ADRM1: variants seen among roughly 807,000 people sequenced by gnomAD.
ADRM1 encodes ADRM1 26S proteasome ubiquitin receptor, also known as proteasomal ubiquitin receptor ADRM1.
Under a neutral mutation model 40.1 loss-of-function variants are expected in ADRM1, and 2 were observed. The observed-to-expected ratio is 0.05, with a 90% CI of 0.02 to 0.16. The LOEUF is 0.16. Ranked by LOEUF, ADRM1 falls within the 10% of genes least tolerant of loss-of-function variation. ADRM1 has a pLI of 1.00. For missense variants in ADRM1, 467 were observed against 552.5 expected (o/e 0.85, Z 1.55); for synonymous variants, 287 against 240.4 (o/e 1.19, Z -1.79).
At position 62,303,573 on chromosome 20, in the gene ADRM1, C is replaced by T. The variant is rs2145996231; in HGVS notation, c.5C>T (p.Thr2Met). 1 of 1,569,490 alleles carries T rather than the reference C, an allele frequency of 6.4e-7. No homozygotes were observed. Among genetic ancestry groups the T allele is most frequent in the East Asian group, 2.3e-5 (1 of 44,166 alleles). The change falls in exon 2 of 10, where the codon ACG (threonine) becomes ATG (methionine). Residue 2 changes from threonine (T) to methionine (M), a missense_variant. Thr to Met is a moderately conservative substitution (Grantham distance 81, BLOSUM62 -1). Around this residue, in one of 3 missense-constraint regions of ADRM1, gnomAD observed 33 missense variants for 28.8 expected, o/e 1.15. Transcript: ENST00000253003. ...CGTCCTCTCCGCGCTTTCAGGATGA[C>T]GACCTCAGGCGCGCTCTTTCCAAGC... is the stretch of plus-strand genomic sequence containing the variant. MTTSGALFPSLV... is the reference protein window; with the variant it reads MMTSGALFPSLV...
At position 62,308,067 on chromosome 20, in the gene ADRM1, C is replaced by T. The variant is rs758137004; in HGVS notation, c.903C>T (p.Leu301=). 9 of 1,611,552 alleles carry T rather than the reference C, an allele frequency of 5.6e-6. No individual in the cohort carries two copies. Among genetic ancestry groups the T allele is most frequent in the East Asian group, 4.5e-5 (2 of 44,882 alleles). ...VLTPEIMAPI[L]ANADVQERLL... ...CGCCGGAGATAATGGCTCCCATCCTCGCCAACGCGGATGTCCAGGAGCGCC... is the reference window on the plus strand; with the variant it reads ...CGCCGGAGATAATGGCTCCCATCCTTGCCAACGCGGATGTCCAGGAGCGCC... The change falls in exon 8 of 10, where the codon CTC becomes CTT. Residue 301 remains leucine, a synonymous_variant. Coordinates refer to ENST00000253003, the MANE Select transcript of ADRM1 (RefSeq NM_007002.4).
intron 8 of ADRM1, 49 bp downstream of exon 8, chr20:62,308,227 CA>C (rs753372934): frequency 1.1e-5 from 18 of 1,567,214 alleles, no homozygotes; most frequent in African/African-American, 8.1e-5. Context: ...AGGGAGTGGG[CA>C]GGGGGGAGGA....
At position 62,308,530 on chromosome 20, in the gene ADRM1, C is replaced by G. The variant is rs1601252178; in HGVS notation, c.1117+60C>G. The G allele has an allele frequency of 1.9e-5, 30 of 1,560,878 alleles. No individual in the cohort carries two copies. In the East Asian group the frequency reaches 6.8e-4, roughly 35 times the overall value. On this transcript the variant is annotated intron_variant, in intron 9 of 9. Transcript: ENST00000253003. ...CAGGGGCAGGGTCCATTCCTGTCCC[C>G]CTGGATCTGCAGAAGTGGGGCTGAG...
At position 62,306,438 on chromosome 20, in the gene ADRM1, T is replaced by TA. The variant is rs773739009; in HGVS notation, c.454+119dup. ...AGTGGAAATAGAAGATTCTAAAAGT[T>TA]AGAGACCCTGTGAGCTCCCTGGGTC... On this transcript the variant is annotated intron_variant, in intron 4 of 9. Transcript: ENST00000253003. 5 of 1,547,530 alleles carry TA rather than the reference T, an allele frequency of 3.2e-6. No homozygotes were observed. In the Admixed American group the frequency reaches 5.2e-5, roughly 16 times the overall value.
chr20:62,306,830 G>C, intron 5 of ADRM1, 96 bp downstream of exon 5: 1 of 1,199,088 alleles, frequency 8.3e-7, no homozygotes, highest in South Asian at 1.5e-5. Flanking sequence ...CTCTGTCTGC[G>C]TAGTGTCGGG....
chr20:62,308,718 C>CGAAGGACAA lies in ADRM1; in HGVS notation c.1189_1197dup (p.Lys397_Asp399dup). 6.2e-7 allele frequency: 1 copy of CGAAGGACAA among 1,612,536 alleles called. No individual in the cohort carries two copies. Among genetic ancestry groups the CGAAGGACAA allele is most frequent in the Non-Finnish European group, 8.5e-7 (1 of 1,179,704 alleles). ...AAGCCCGAGCAGAAAGAGGGCGACACGAAGGACAAGAAGGACGAAGAGGAG... is the reference window on the plus strand; with the variant it reads ...AAGCCCGAGCAGAAAGAGGGCGACACGAAGGACAAGAAGGACAAGAAGGACGAAGAGGAG... On this transcript the variant is annotated inframe_insertion, in exon 10 of 10. Transcript: ENST00000253003.
chr20:62,303,433 G>T (rs947377831), intron 1 of ADRM1, 135 bp from the exon 2 acceptor site: 3 of 885,382 alleles, frequency 3.4e-6, no homozygotes, highest in South Asian at 3.3e-5. Flanking sequence ...CGGAAAGGCA[G>T]CCCGGCGTGT....
chr20:62,303,534 C>G (rs969565823), intron 1 of ADRM1, 34 bp from the exon 2 acceptor site: 3 of 1,541,074 alleles, frequency 1.9e-6, no homozygotes, highest in Non-Finnish European at 2.6e-6. Context: ...GCGACAGTGA[C>G]CGCCGCGTCT....
chr20:62,306,179 A>G lies in ADRM1; in HGVS notation c.331-18A>G, dbSNP rs373438307. The stretch of plus-strand genomic sequence containing the variant: ...AGCTGGCGCCAGCTCCTGCCCTTAC[A>G]TGCCCTTCCTCTTGCAGGAACCCAA... On this transcript the variant is annotated intron_variant, in intron 3 of 9. Coordinates refer to ENST00000253003, the MANE Select transcript of ADRM1 (RefSeq NM_007002.4). The G allele has an allele frequency of 1.5e-4, 244 of 1,603,616 alleles. 2 individuals carry two copies. In the African/African-American group the frequency reaches 2.7e-3, roughly 18 times the overall value.
intron 3 of ADRM1, chr20:62,305,937 T>G: frequency 1.8e-5 from 8 of 443,100 alleles, no homozygotes; most frequent in East Asian, 4.1e-5. Flanking sequence ...AGGCTCCCCA[T>G]TTGTGAAATG....
upstream of ADRM1, chr20:62,302,952 GGCGGGCCGAAC>G (rs1698297573): frequency 6.6e-6 from 1 of 152,248 alleles, no homozygotes; most frequent in Non-Finnish European, 1.5e-5. Context: ...CGGCAGGCGG[GGCGGGCCGAAC>G]GCGGGTTTCC....
chr20:62,308,857 T>C lies in ADRM1; in HGVS notation c.*96T>C. The C allele has an allele frequency of 6.6e-7, 1 of 1,510,018 alleles. No individual in the cohort carries two copies. The highest frequency in any genetic ancestry group is 8.9e-7 in the Non-Finnish European group (1 of 1,129,276). 93.5% of individuals were successfully genotyped at this position (1,510,018 alleles called of 1,614,324 possible). A position where few individuals can be genotyped will look rare whatever the true frequency, so the allele number is the denominator to read the frequency against. On this transcript the variant is annotated 3_prime_UTR_variant, in exon 10 of 10. Transcript: ENST00000253003. ...TATTAATAAAGTCTTTTCTTTTACC[T>C]GCCAATGCTTAGTTTCTTTGCCCAA...
At chr20:62,308,219 G>GGAGT (rs773527105) in intron 8 of ADRM1, 41 bp downstream of exon 8, 281 of 1,573,936 alleles carry the variant, frequency 1.8e-4, no homozygotes, top group Non-Finnish European at 2.0e-4. Flanking sequence ...GTGTGCTCAG[G>GGAGT]GAGTGGGCAG....
chr20:62,308,340 C>T (rs934035049), intron 8 of ADRM1, 28 bp from the exon 9 acceptor site: 2 of 1,574,056 alleles, frequency 1.3e-6, no homozygotes, highest in African/African-American at 2.7e-5. Context: ...CGGGTTGGAG[C>T]TCAGCCCTCG....
rs200066898 is a variant in ADRM1, at chr20:62,304,414, A to C, written c.214-47A>C. The C allele has an allele frequency of 2.9e-4, 443 of 1,527,996 alleles. 1 individual carries two copies. The highest frequency in any genetic ancestry group is 3.8e-4 in the Non-Finnish European group (423 of 1,106,236). The allele number at this position is 1,527,996 out of a possible 1,614,324, so 94.7% of individuals were successfully genotyped here. The stretch of plus-strand genomic sequence containing the variant: ...AGTACGCTCTCCTGAGACTGGGCAC[A>C]GTGATGCCATCTGCGCCACTGACTC... On this transcript the variant is annotated intron_variant, in intron 2 of 9. Coordinates refer to ENST00000253003, the MANE Select transcript of ADRM1 (RefSeq NM_007002.4).
chr20:62,307,035 T>C (rs2427276), intron 5 of ADRM1, among the ~76,000 whole-genome samples: 147,108 of 152,278 alleles, frequency 0.97, 71,260 homozygotes, highest in East Asian at 1. Flanking sequence ...CCCCTGGCCC[T>C]ACATGGCTGC....
chr20:62,304,504 C>G lies in ADRM1; in HGVS notation c.257C>G (p.Pro86Arg), dbSNP rs1396149314. 1 of 1,613,860 alleles carries G rather than the reference C, an allele frequency of 6.2e-7. No homozygotes were observed. The highest frequency in any genetic ancestry group is 8.5e-7 in the Non-Finnish European group (1 of 1,179,976). ...FPDDCEFKRV[P>R]QCPSGRVYVL... ...GACGACTGTGAGTTCAAGCGGGTGCCGCAGTGCCCCAGCGGGAGGGTCTAC... is the reference window on the plus strand; with the variant it reads ...GACGACTGTGAGTTCAAGCGGGTGCGGCAGTGCCCCAGCGGGAGGGTCTAC... The change falls in exon 3 of 10, where the codon CCG becomes CGG. Residue 86 changes from proline (P) to arginine (R), a missense_variant. By Grantham distance (103) the Pro-to-Arg change is moderately radical. Coordinates refer to ENST00000253003, the MANE Select transcript of ADRM1 (RefSeq NM_007002.4).
rs373954705 is a variant in ADRM1 at position 62,308,699 on chromosome 20, G to A, written c.1162G>A (p.Glu388Lys). The A allele has an allele frequency of 1.5e-5, 24 of 1,613,016 alleles. No homozygotes were observed. In the Middle Eastern group the frequency reaches 5.0e-4, roughly 33 times the overall value. Residue 388 changes from glutamate (E) to lysine (K), a missense_variant, in exon 10 of 10, where the codon GAG becomes AAG. Glu to Lys is a moderately conservative substitution (Grantham distance 56, BLOSUM62 1). Coordinates refer to ENST00000253003, the MANE Select transcript of ADRM1 (RefSeq NM_007002.4). The stretch of plus-strand genomic sequence containing the variant: ...AGCCATGCAGAACAACGCCAAGCCC[G>A]AGCAGAAAGAGGGCGACACGAAGGA... ...AKAMQNNAKPEQKEGDTKDKK... is the reference protein window; with the variant it reads ...AKAMQNNAKPKQKEGDTKDKK...
chr20:62,303,375 G>A lies in ADRM1; in HGVS notation c.-1-193G>A, dbSNP rs561120097. On this transcript the variant is annotated intron_variant, in intron 1 of 9. Coordinates refer to ENST00000253003, the MANE Select transcript of ADRM1 (RefSeq NM_007002.4). ...CACTAGGCTTGGCGGGGCTGCCCCG[G>A]CCCAGCGCCGAGTGCGGGCGGTGCG... is the stretch of plus-strand genomic sequence containing the variant. The A allele has an allele frequency of 3.1e-4, 180 of 573,368 alleles. No homozygotes were observed. The African/African-American group carries it at 3.4e-3, about 11-fold the overall frequency. 35.5% of individuals were successfully genotyped at this position (573,368 alleles called of 1,614,324 possible). A position where few individuals can be genotyped will look rare whatever the true frequency, so the allele number is the denominator to read the frequency against.
Sources: gnomAD v4.1 joint callset for allele counts (sites outside exome capture counted in the v4.1 genomes callset) on GRCh38, gnomAD v4.1.1 for gene constraint, gnomAD v4.1.1 regional missense constraint, MANE v1.5 for transcripts, NCBI Gene and HGNC (gene_info 2026-07-23, HGNC 2026-07-21) for gene names.